The following KLHL29 variants were observed in gnomAD, a reference collection of about 807,000 sequenced individuals.
The protein encoded by KLHL29 is kelch like family member 29.
In KLHL29, 21 loss-of-function variants were observed where a neutral mutation model predicts 80.4. That is an observed-to-expected ratio of 0.26 (90% CI 0.19 to 0.38). The LOEUF is 0.38. Ranked by LOEUF, KLHL29 falls within the 10% of genes least tolerant of loss-of-function variation. The probability of loss-of-function intolerance (pLI) is 1.00; values close to 1 mark genes in which losing one functional copy is unlikely to be tolerated. For missense variants in KLHL29, 867 were observed against 1,223.9 expected (o/e 0.71, Z 4.35); for synonymous variants, 511 against 526.8 (o/e 0.97, Z 0.41).
At chr2:23,525,545 C>T (rs991334354) in intron 2 of KLHL29, among the ~76,000 whole-genome samples, 2 of 152,224 alleles carry the variant, frequency 1.3e-5, no homozygotes, top group Admixed American at 6.5e-5. Context: ...AGCCAAGGGA[C>T]AGTTCCTTCT....
chr2:23,664,033 A>AAAAG (rs1670490174), intron 5 of KLHL29, among the ~76,000 whole-genome samples: 1 of 152,220 alleles, frequency 6.6e-6, no homozygotes, highest in African/African-American at 2.4e-5. Context: ...CACACTACAG[A>AAAAG]AATATAACAT....
At chr2:23,414,363 TGGGA>T (rs1332104011) in intron 1 of KLHL29, among the ~76,000 whole-genome samples, 1 of 144,844 alleles carries the variant, frequency 6.9e-6, no homozygotes, top group African/African-American at 2.5e-5. Context: ...TGCGGCGGGG[TGGGA>T]GGGATGCTGT....
intron 3 of KLHL29, among the ~76,000 whole-genome samples, chr2:23,602,903 T>C (rs1668609071): frequency 6.6e-6 from 1 of 151,380 alleles, no homozygotes; most frequent in Non-Finnish European, 1.5e-5. Context: ...CAGGAGAGGG[T>C]CTGCTCAGCC....
At chr2:23,400,495 G>T (rs1275733270) in intron 1 of KLHL29, among the ~76,000 whole-genome samples, 2 of 152,258 alleles carry the variant, frequency 1.3e-5, no homozygotes, top group African/African-American at 4.8e-5. Flanking sequence ...TTTCCCCAAT[G>T]CTGGGCAGTA....
At chr2:23,540,789 G>A (rs1164960574) in intron 2 of KLHL29, among the ~76,000 whole-genome samples, 7 of 152,214 alleles carry the variant, frequency 4.6e-5, no homozygotes, top group Non-Finnish European at 8.8e-5. Flanking sequence ...TTCATGCTCT[G>A]TCCTACAGAC....
At chr2:23,642,310 G>A (rs1669790258) in intron 4 of KLHL29, 28 bp from the exon 5 acceptor site, 2 of 1,395,858 alleles carry the variant, frequency 1.4e-6, no homozygotes, top group African/African-American at 1.4e-5. Context: ...GTAACCGGCA[G>A]ATGACGTTTC....
rs150458432 is a variant in KLHL29 at position 23,623,113 on chromosome 2, A to G, written c.286-16026A>G. ...AGGTGGACCCAGCGTGCAGGGGAGG[A>G]AGCTGTCCCACCCTGATCTCGGGTC... On this transcript the variant is annotated intron_variant, in intron 3 of 13. Coordinates refer to ENST00000486442, the MANE Select transcript of KLHL29 (RefSeq NM_052920.2). Among the ~76,000 whole-genome samples, 693 of 152,258 alleles carry G rather than the reference A, an allele frequency of 4.6e-3. 5 individuals are homozygous for G. The highest frequency in any genetic ancestry group is 0.016 in the African/African-American group (663 of 41,564).
At chr2:23,549,080 A>G (rs1190485620) in intron 2 of KLHL29, among the ~76,000 whole-genome samples, 2 of 152,184 alleles carry the variant, frequency 1.3e-5, no homozygotes, top group Non-Finnish European at 2.9e-5. Context: ...TGAGCACTGC[A>G]TTCATCAGCG....
intron 1 of KLHL29, among the ~76,000 whole-genome samples, chr2:23,423,102 C>T (rs1462727936): frequency 3.3e-5 from 5 of 152,358 alleles, no homozygotes; most frequent in Middle Eastern, 3.4e-3. Context: ...CAGGCCTCAG[C>T]GTGGACAGTG....
intron 5 of KLHL29, among the ~76,000 whole-genome samples, chr2:23,659,017 G>T (rs1177608466): frequency 6.6e-6 from 1 of 152,130 alleles, no homozygotes; most frequent in East Asian, 1.9e-4. Flanking sequence ...CATCTTGATG[G>T]TCTATTTTCA....
In KLHL29 at chr2:23,703,245, C is replaced by G; in HGVS notation, c.2165C>G (p.Ser722Cys). 1 of 1,542,278 alleles carries G rather than the reference C, an allele frequency of 6.5e-7. No individual in the cohort carries two copies. The highest frequency in any genetic ancestry group is 1.2e-5 in the South Asian group (1 of 82,664). ...GCCCCTCTGCCCAAGGCAGTACACT[C>G]TGCTGCAGCCACAGTGTGTGGCGGC... The part of the protein sequence containing the change: ...AVAPLPKAVH[S>C]AAATVCGGKI... Residue 722 changes from serine (S) to cysteine (C), a missense_variant, in exon 12 of 14, where the codon TCT becomes TGT. Ser to Cys is a moderately radical substitution (Grantham distance 112, BLOSUM62 -1). Coordinates refer to ENST00000486442, the MANE Select transcript of KLHL29 (RefSeq NM_052920.2).
intron 2 of KLHL29, among the ~76,000 whole-genome samples, chr2:23,518,540 A>G (rs12712975): frequency 0.69 from 104,913 of 151,996 alleles, 36,443 homozygotes; most frequent in Non-Finnish European, 0.73. Context: ...CCTAGAAAAG[A>G]CAGCCCTAGA....
chr2:23,458,271 T>C (rs918741955), intron 1 of KLHL29, among the ~76,000 whole-genome samples: 2 of 152,234 alleles, frequency 1.3e-5, no homozygotes, highest in African/African-American at 4.8e-5. Context: ...AAGGCACTGG[T>C]GCTCCCACTG....
chr2:23,490,021 T>C (rs1489663306), intron 2 of KLHL29, among the ~76,000 whole-genome samples: 1 of 152,254 alleles, frequency 6.6e-6, no homozygotes, highest in Non-Finnish European at 1.5e-5. Context: ...CCCGCCTGCC[T>C]CAGCTGATGT....
chr2:23,545,108 G>A (rs1342305127), intron 2 of KLHL29, among the ~76,000 whole-genome samples: 1 of 152,132 alleles, frequency 6.6e-6, no homozygotes, highest in Non-Finnish European at 1.5e-5. Context: ...GGCCAGGGTG[G>A]ACGTGGGAAG....
intron 1 of KLHL29, among the ~76,000 whole-genome samples, chr2:23,450,018 C>T (rs138417037): frequency 1.3e-4 from 20 of 152,356 alleles, no homozygotes; most frequent in African/African-American, 4.8e-4. Context: ...CTGTGCTTAA[C>T]AGAGCTGCTT....
chr2:23,572,436 G>A (rs946933650), intron 3 of KLHL29, among the ~76,000 whole-genome samples: 1 of 152,180 alleles, frequency 6.6e-6, no homozygotes, highest in Non-Finnish European at 1.5e-5. Flanking sequence ...TATAATACAT[G>A]AATATTATGT....
intron 6 of KLHL29, among the ~76,000 whole-genome samples, chr2:23,686,299 T>C (rs1017682786): frequency 1.3e-5 from 2 of 151,752 alleles, no homozygotes; most frequent in African/African-American, 2.4e-5. Context: ...GTAGGATGTG[T>C]CTCGGTGGCC....
At position 23,680,199 on chromosome 2, in the gene KLHL29, G is replaced by C. The variant is rs1671036205; in HGVS notation, c.941-4200G>C. ...GGGTGCTGGAGGGCCTAGGGCAGGA[G>C]AGGCTGGATCCTGAGAATTCTAGGA... On this transcript the variant is annotated intron_variant, in intron 5 of 13. Transcript: ENST00000486442. This position sits in a 1 kb window ranked among gnomAD's most constrained non-coding sequence, Gnocchi z 4.1. 1.3e-5 allele frequency among the ~76,000 whole-genome samples: 2 copies of C among 152,196 alleles called. No homozygotes were observed. The highest frequency in any genetic ancestry group is 4.8e-5 in the African/African-American group (2 of 41,450).
Sources: gnomAD v4.1 joint callset for allele counts (sites outside exome capture counted in the v4.1 genomes callset) on GRCh38, gnomAD v4.1.1 for gene constraint, Gnocchi (gnomAD v3.1) non-coding constraint, MANE v1.5 for transcripts, NCBI Gene and HGNC (gene_info 2026-07-23, HGNC 2026-07-21) for gene names.